The following ABR variants were observed in gnomAD, a reference collection of about 807,000 sequenced individuals.
ABR encodes the protein ABR activator of RhoGEF and GTPase, also known as active breakpoint cluster region-related protein.
ABR carries 35 observed loss-of-function variants against 107.2 expected under a neutral mutation model. The ratio of observed to expected loss-of-function variants is 0.33; its 90% CI spans 0.25 to 0.43. ABR has a LOEUF of 0.43. Ranked by LOEUF, ABR falls within the 20% of genes least tolerant of loss-of-function variation. ABR has a pLI of 1.00. For synonymous variants in ABR, 498 were observed against 462.0 expected (o/e 1.08, Z -1.00); for missense variants, 815 against 1,115.2 (o/e 0.73, Z 3.83).
intron 10 of ABR, among the ~76,000 whole-genome samples, chr17:1,065,635 C>G (rs558122280): frequency 6.6e-6 from 1 of 152,022 alleles, no homozygotes; most frequent in South Asian, 2.1e-4. Context: ...TCCATGGGTA[C>G]TGGTATGTAG....
intron 16 of ABR, among the ~76,000 whole-genome samples, chr17:1,025,544 C>T (rs2072126919): frequency 1.3e-5 from 2 of 152,210 alleles, no homozygotes; most frequent in Non-Finnish European, 2.9e-5. Flanking sequence ...GTCCCCTGAC[C>T]CCACGTAACG....
chr17:1,073,503 G>T, intron 7 of ABR, 122 bp downstream of exon 7: 1 of 779,174 alleles, frequency 1.3e-6, no homozygotes. Flanking sequence ...CATCCTTGGA[G>T]CCTAGGAACC....
rs9895053 is a variant in ABR at position 1,076,729 on chromosome 17, T to A, written c.700+2601A>T. On this transcript the variant is annotated intron_variant, in intron 6 of 22. Transcript: ENST00000302538. ...GGCAGGTGCACGGGGGGGGTGGGGG[T>A]GGGGGGGGTGGCGGCACTGGGACCA... Among the ~76,000 whole-genome samples, 68 of 13,536 alleles carry A rather than the reference T, an allele frequency of 5.0e-3. 1 individual carries two copies. The highest frequency in any genetic ancestry group is 0.046 in the East Asian group (21 of 458). 8.9% of individuals were successfully genotyped at this position (13,536 alleles called of 152,430 possible).
chr17:1,010,340 A>G lies in ABR; in HGVS notation c.2236+389T>C, dbSNP rs2241925. 4,489 of 240,592 alleles carry G rather than the reference A, an allele frequency of 0.019. 116 individuals are homozygous for G. The highest frequency in any genetic ancestry group is 0.11 in the East Asian group (1,138 of 10,488). The allele number at this position is 240,592 out of a possible 1,614,324, so 14.9% of individuals were successfully genotyped here. On this transcript the variant is annotated intron_variant, in intron 20 of 22. Transcript: ENST00000302538. This position sits in a 1 kb window ranked among gnomAD's most constrained non-coding sequence, Gnocchi z 4.1. ...CGGGACGGTGTGTGGTCCCGCTGGA[A>G]GGCTCAGCACAACCCATCTCGAGTG...
rs185384977 is a variant in ABR, at chr17:1,050,899, G to A, written c.1562-265C>T. Among the ~76,000 whole-genome samples the A allele has an allele frequency of 5.6e-3, 791 of 142,256 alleles. 3 individuals are homozygous for A. Among genetic ancestry groups the A allele is most frequent in the African/African-American group, 0.021 (737 of 35,484 alleles). The allele number at this position is 142,256 out of a possible 152,430, so 93.3% of individuals were successfully genotyped here. A position where few individuals can be genotyped will look rare whatever the true frequency, so the allele number is the denominator to read the frequency against. Reference sequence around the variant, plus strand: ...CCCCACACTCTGCCCTTCCCACCTCGGCCCTCCCCACACTCTGCCCTTCCC... The same window carrying A: ...CCCCACACTCTGCCCTTCCCACCTCAGCCCTCCCCACACTCTGCCCTTCCC... On this transcript the variant is annotated intron_variant, in intron 14 of 22. Transcript: ENST00000302538. This position sits in a 1 kb window ranked among gnomAD's most constrained non-coding sequence, Gnocchi z 4.6.
intron 14 of ABR, among the ~76,000 whole-genome samples, chr17:1,052,086 C>CA (rs1401444222): frequency 2.7e-5 from 4 of 146,000 alleles, no homozygotes; most frequent in African/African-American, 1.0e-4. Context: ...AAAAAAAAAC[C>CA]AAAAAAACCA....
In ABR at chr17:1,028,256, A is replaced by ATT. The variant is rs564733650; in HGVS notation, c.1792-15094_1792-15093dup. Among the ~76,000 whole-genome samples the ATT allele has an allele frequency of 4.6e-3, 653 of 141,192 alleles. 5 individuals carry two copies. Among genetic ancestry groups the ATT allele is most frequent in the African/African-American group, 0.013 (515 of 38,308 alleles). The allele number at this position is 141,192 out of a possible 152,430, so 92.6% of individuals were successfully genotyped here. ...CAGGTGCCCGCCACCATGCCCGGCT[A>ATT]TTTTTTTTTTTTTTGTATTTTTAGT... On this transcript the variant is annotated intron_variant, in intron 16 of 22. Transcript: ENST00000302538.
At chr17:1,120,093 CCA>C (rs1394858929) in intron 2 of ABR, among the ~76,000 whole-genome samples, 3 of 151,978 alleles carry the variant, frequency 2.0e-5, no homozygotes, top group African/African-American at 7.3e-5. Flanking sequence ...TCTCCGAGCC[CCA>C]GTTTTCGCAC....
chr17:1,191,385 T>G (rs1198160155), upstream of ABR, among the ~76,000 whole-genome samples: 1 of 122,648 alleles, frequency 8.2e-6, no homozygotes, highest in Non-Finnish European at 1.6e-5. Flanking sequence ...TGAGACAGAG[T>G]CTCCCTCTGT....
chr17:1,082,500 G>C (rs769898377), intron 5 of ABR, among the ~76,000 whole-genome samples: 1 of 151,346 alleles, frequency 6.6e-6, no homozygotes, highest in Non-Finnish European at 1.5e-5. Context: ...GGCCTCAGGA[G>C]CAGAAGCACG....
At chr17:1,192,785 G>T (rs1318715818) in intron 1 of ABR, among the ~76,000 whole-genome samples, 1 of 152,108 alleles carries the variant, frequency 6.6e-6, no homozygotes, top group East Asian at 1.9e-4. Context: ...GTGGTGGAAG[G>T]CACCTATAAT....
At chr17:1,115,912 A>G (rs1176588069) in intron 2 of ABR, among the ~76,000 whole-genome samples, 62 of 129,886 alleles carry the variant, frequency 4.8e-4, no homozygotes, top group Middle Eastern at 5.8e-3. Context: ...GGGTGACAGA[A>G]GGAGACTCTG....
chr17:1,076,194 G>A (rs1430175534), intron 6 of ABR, among the ~76,000 whole-genome samples: 1 of 152,144 alleles, frequency 6.6e-6, no homozygotes, highest in African/African-American at 2.4e-5. Flanking sequence ...TGAGTACCCG[G>A]CCAACCACTG....
intron 16 of ABR, among the ~76,000 whole-genome samples, chr17:1,038,384 C>T (rs2073360048): frequency 6.6e-6 from 1 of 152,252 alleles, no homozygotes; most frequent in Non-Finnish European, 1.5e-5. Context: ...CTCTGCTTCT[C>T]TCCCTCCTTT....
chr17:1,012,886 T>C (rs2070747357), intron 17 of ABR, 89 bp from the exon 18 acceptor site: 2 of 1,193,132 alleles, frequency 1.7e-6, no homozygotes, highest in Non-Finnish European at 2.4e-6. Context: ...TCCCCAAGAC[T>C]GCAAATGAGG....
At chr17:1,031,844 GC>G in intron 16 of ABR, 4 of 1,218,582 alleles carry the variant, frequency 3.3e-6, no homozygotes, top group Non-Finnish European at 4.1e-6. Context: ...CTTTCCCCGC[GC>G]TCGCCTCCCT....
chr17:1,082,103 C>T (rs1364617872), intron 5 of ABR, among the ~76,000 whole-genome samples: 4 of 152,028 alleles, frequency 2.6e-5, no homozygotes, highest in South Asian at 2.1e-4. Flanking sequence ...ACTCTTCTAG[C>T]GTTAGAGCTG....
In ABR at chr17:1,030,867, T is replaced by C. The variant is rs372045810; in HGVS notation, c.1792-17703A>G. ...CGGACAGTTGATTTGATCTGCAGAG[T>C]TATCGAGCACTTCCTGTGCGCTGGG... On this transcript the variant is annotated intron_variant, in intron 16 of 22. Transcript: ENST00000302538. 1.3e-3 allele frequency among the ~76,000 whole-genome samples: 193 copies of C among 152,292 alleles called. 1 individual carries two copies. Among genetic ancestry groups the C allele is most frequent in the African/African-American group, 4.5e-3 (186 of 41,562 alleles).
chr17:1,125,452 C>A, intron 1 of ABR, 85 bp from the exon 2 acceptor site: 1 of 1,532,102 alleles, frequency 6.5e-7, no homozygotes, highest in Non-Finnish European at 8.9e-7. Context: ...CGGCGGCGGC[C>A]CCCGGCAGCC....
Sources: gnomAD v4.1 joint callset for allele counts (sites outside exome capture counted in the v4.1 genomes callset) on GRCh38, gnomAD v4.1.1 for gene constraint, Gnocchi (gnomAD v3.1) non-coding constraint, MANE v1.5 for transcripts, NCBI Gene and HGNC (gene_info 2026-07-23, HGNC 2026-07-21) for gene names.